Variants in RABGAP1L observed in about 807,000 individuals in gnomAD.
The protein encoded by RABGAP1L is rab GTPase-activating protein 1-like.
Under a neutral mutation model 137.7 loss-of-function variants are expected in RABGAP1L, and 63 were observed. The observed-to-expected ratio is 0.46, with a 90% CI of 0.37 to 0.56. The LOEUF (loss-of-function observed/expected upper bound fraction) is 0.56, where lower values mean the gene tolerates loss of function less well. RABGAP1L is among the 20% of genes least tolerant of loss of function. RABGAP1L has a pLI of 0.00. For missense variants in RABGAP1L, 1,095 were observed against 1,244.0 expected, an observed-to-expected ratio of 0.88 and a Z score of 1.80; for synonymous variants, 431 against 433.7, an observed-to-expected ratio of 0.99 and a Z score of 0.08.
At chr1:174,562,084 G>C (rs1667254416) in intron 13 of RABGAP1L, among the ~76,000 whole-genome samples, 1 of 152,162 alleles carries the variant, frequency 6.6e-6, no homozygotes, top group Non-Finnish European at 1.5e-5. Flanking sequence ...CAGAATTGGA[G>C]AAAATTTTTG....
At position 174,327,665 on chromosome 1, in the gene RABGAP1L, G is replaced by A. The variant is rs568276774; in HGVS notation, c.1465+22538G>A. Among the ~76,000 whole-genome samples, 24 of 151,910 alleles carry A rather than the reference G, an allele frequency of 1.6e-4. No homozygotes were observed. In the East Asian group the frequency reaches 1.7e-3, roughly 11 times the overall value. ...TTACCTATTAATAATTAACTTGAGT[G>A]TAAATTGATTAAATTCTTCTTTGAA... is the stretch of plus-strand genomic sequence containing the variant. On this transcript the variant is annotated intron_variant, in intron 11 of 25. Transcript: ENST00000681986.
intron 13 of RABGAP1L, among the ~76,000 whole-genome samples, chr1:174,615,574 C>T (rs565956179): frequency 4.3e-4 from 66 of 152,352 alleles, no homozygotes; most frequent in Middle Eastern, 6.8e-3. Flanking sequence ...AGATCTCCAG[C>T]TGTGTGCTGA....
chr1:174,698,971 C>CT (rs1679454125), intron 15 of RABGAP1L, among the ~76,000 whole-genome samples: 1 of 151,392 alleles, frequency 6.6e-6, no homozygotes, highest in South Asian at 2.1e-4. Flanking sequence ...ACCTTTAGAT[C>CT]TTTTTACATT....
At chr1:174,629,478 C>T (rs936656732) in intron 13 of RABGAP1L, among the ~76,000 whole-genome samples, 1 of 152,134 alleles carries the variant, frequency 6.6e-6, no homozygotes. Flanking sequence ...GAAGAAAACT[C>T]TAGGAACACA....
At chr1:174,589,140 A>G (rs1309016728) in intron 13 of RABGAP1L, among the ~76,000 whole-genome samples, 1 of 152,206 alleles carries the variant, frequency 6.6e-6, no homozygotes, top group African/African-American at 2.4e-5. Flanking sequence ...GATAAAAGCC[A>G]TTAAAACTTG....
chr1:174,758,538 T>G (rs566596292), intron 18 of RABGAP1L, among the ~76,000 whole-genome samples: 1 of 152,126 alleles, frequency 6.6e-6, no homozygotes, highest in East Asian at 1.9e-4. Flanking sequence ...AGTGAGAACA[T>G]TTGGTATTTG....
chr1:174,351,192 G>A (rs1211322187), intron 11 of RABGAP1L, among the ~76,000 whole-genome samples: 2 of 151,836 alleles, frequency 1.3e-5, no homozygotes, highest in Non-Finnish European at 2.9e-5. Context: ...CAAAATGTGA[G>A]TAGTTTACTA....
rs528014370 is a variant in RABGAP1L, at chr1:174,712,754, G to A, written c.2169+10498G>A. On this transcript the variant is annotated intron_variant, in intron 17 of 25. Transcript: ENST00000681986. Reference sequence around the variant, plus strand: ...CTTTTCCTTTCTCTCTTAGCACCCCGTGGTTGGTGTTTATTTATTGACTTA... The same window carrying A: ...CTTTTCCTTTCTCTCTTAGCACCCCATGGTTGGTGTTTATTTATTGACTTA... 2.0e-5 allele frequency among the ~76,000 whole-genome samples: 3 copies of A among 152,240 alleles called. No individual in the cohort carries two copies. In the South Asian group the frequency reaches 6.2e-4, roughly 32 times the overall value.
chr1:174,668,919 A>G (rs968080559), intron 14 of RABGAP1L, among the ~76,000 whole-genome samples: 8 of 152,076 alleles, frequency 5.3e-5, no homozygotes, highest in Middle Eastern at 3.2e-3. Context: ...AGGCATGTCT[A>G]TTCACATCTT....
At chr1:174,831,100 G>T (rs1000590115) in intron 19 of RABGAP1L, among the ~76,000 whole-genome samples, 3 of 147,574 alleles carry the variant, frequency 2.0e-5, no homozygotes, top group Non-Finnish European at 4.5e-5. Context: ...ACAATACTTT[G>T]GTATCTTTTG....
chr1:174,681,147 A>G (rs1473105933), intron 14 of RABGAP1L, among the ~76,000 whole-genome samples: 1 of 152,226 alleles, frequency 6.6e-6, no homozygotes, highest in Non-Finnish European at 1.5e-5. Flanking sequence ...CACTTTGGGA[A>G]ACAATTTGGC....
chr1:174,801,039 A>T (rs1406998256), intron 18 of RABGAP1L, among the ~76,000 whole-genome samples: 2 of 152,168 alleles, frequency 1.3e-5, no homozygotes, highest in Non-Finnish European at 2.9e-5. Flanking sequence ...TTATCTGTGA[A>T]ACAGCTTAAA....
At chr1:174,549,799 A>T (rs1666289602) in intron 13 of RABGAP1L, among the ~76,000 whole-genome samples, 2 of 152,230 alleles carry the variant, frequency 1.3e-5, no homozygotes, top group Admixed American at 1.3e-4. Flanking sequence ...TAGCTAGAAG[A>T]CAAGCTGCAG....
intron 1 of RABGAP1L, among the ~76,000 whole-genome samples, chr1:174,207,724 G>A (rs542109857): frequency 6.6e-6 from 1 of 152,172 alleles, no homozygotes; most frequent in African/African-American, 2.4e-5. Flanking sequence ...CCCTGCCCAT[G>A]TGCAGATAGG....
At chr1:174,949,276 T>C (rs1022652088) in intron 19 of RABGAP1L, among the ~76,000 whole-genome samples, 21 of 152,214 alleles carry the variant, frequency 1.4e-4, no homozygotes, top group African/African-American at 5.1e-4. Context: ...AAAATTACTT[T>C]GGCTGCCCAA....
chr1:174,694,139 TATAAC>T (rs1481802718), intron 15 of RABGAP1L, among the ~76,000 whole-genome samples: 4 of 152,222 alleles, frequency 2.6e-5, no homozygotes, highest in Non-Finnish European at 2.9e-5. Flanking sequence ...TATATGCAAA[TATAAC>T]ATATATGGTT....
At chr1:174,548,173 C>T in intron 13 of RABGAP1L, 1 of 1,460,506 alleles carries the variant, frequency 6.8e-7, no homozygotes, top group Non-Finnish European at 9.0e-7. Context: ...CATTTTACAA[C>T]CTGTGTGCAT....
chr1:174,697,608 C>T (rs1368243642), intron 15 of RABGAP1L, among the ~76,000 whole-genome samples: 3 of 152,068 alleles, frequency 2.0e-5, no homozygotes, highest in Admixed American at 1.3e-4. Context: ...CGTGAGCCAC[C>T]GCGCCCGGCC....
At chr1:174,345,349 A>T (rs1189752115) in intron 11 of RABGAP1L, among the ~76,000 whole-genome samples, 1 of 152,110 alleles carries the variant, frequency 6.6e-6, no homozygotes, top group African/African-American at 2.4e-5. Flanking sequence ...TTTAAAAGGG[A>T]TTACATTAAA....
Sources: gnomAD v4.1 joint callset for allele counts (sites outside exome capture counted in the v4.1 genomes callset) on GRCh38, gnomAD v4.1.1 for gene constraint, MANE v1.5 for transcripts, NCBI Gene and HGNC (gene_info 2026-07-23, HGNC 2026-07-21) for gene names.